The following PIGU variants were observed in gnomAD, a reference collection of about 807,000 sequenced individuals.
The protein encoded by PIGU is phosphatidylinositol glycan anchor biosynthesis class U.
Under a neutral mutation model 49.9 loss-of-function variants are expected in PIGU, and 24 were observed. That is an observed-to-expected ratio of 0.48 (90% CI 0.35 to 0.68). The LOEUF is 0.68. Among genes scored for constraint, PIGU ranks in the 30% least tolerant of loss-of-function variants. PIGU has a pLI of 0.01. For synonymous variants in PIGU, 220 were observed against 205.7 expected (o/e 1.07, Z -0.59); for missense variants, 490 against 532.6 (o/e 0.92, Z 0.79).
intron 11 of PIGU, chr20:34,562,498 G>T: frequency 7.8e-7 from 1 of 1,289,358 alleles, no homozygotes; most frequent in Non-Finnish European, 1.0e-6. Context: ...TCAGGAAGGT[G>T]TCCTGTCACC....
intron 11 of PIGU, among the ~76,000 whole-genome samples, chr20:34,565,903 GCACA>G (rs1214088232): frequency 7.0e-6 from 1 of 143,848 alleles, no homozygotes; most frequent in Non-Finnish European, 1.5e-5. Flanking sequence ...ACACATGCTT[GCACA>G]CACACATGCT....
chr20:34,635,953 G>A (rs1173707639), intron 5 of PIGU, among the ~76,000 whole-genome samples: 1 of 152,048 alleles, frequency 6.6e-6, no homozygotes, highest in Non-Finnish European at 1.5e-5. Context: ...AGCACTTTGG[G>A]AGGCCAAGGT....
chr20:34,641,677 G>A (rs1275627397), intron 4 of PIGU, among the ~76,000 whole-genome samples: 2 of 151,994 alleles, frequency 1.3e-5, no homozygotes, highest in African/African-American at 4.8e-5. Context: ...CATTACCAAG[G>A]ATAAAAAGAC....
chr20:34,671,046 T>C (rs1987290965), intron 1 of PIGU, among the ~76,000 whole-genome samples: 1 of 152,194 alleles, frequency 6.6e-6, no homozygotes, highest in South Asian at 2.1e-4. Flanking sequence ...GGAACAGCCA[T>C]ACCTAAAGAT....
intron 1 of PIGU, among the ~76,000 whole-genome samples, chr20:34,663,567 G>A (rs1488227882): frequency 6.6e-6 from 1 of 152,090 alleles, no homozygotes; most frequent in African/African-American, 2.4e-5. Context: ...AACTTTATAA[G>A]ACTACCCTAA....
At chr20:34,608,449 GGGT>G (rs1984696493) in intron 7 of PIGU, among the ~76,000 whole-genome samples, 1 of 152,134 alleles carries the variant, frequency 6.6e-6, no homozygotes, top group Non-Finnish European at 1.5e-5. Flanking sequence ...TCCCAAATTT[GGGT>G]GGTATGAGCC....
At chr20:34,663,278 A>T (rs1314877132) in intron 1 of PIGU, among the ~76,000 whole-genome samples, 1 of 152,106 alleles carries the variant, frequency 6.6e-6, no homozygotes, top group African/African-American at 2.4e-5. Context: ...GGAGTTCAAG[A>T]TCAGCCTGGG....
intron 6 of PIGU, among the ~76,000 whole-genome samples, chr20:34,619,783 T>C (rs1985139309): frequency 6.6e-6 from 1 of 152,192 alleles, no homozygotes; most frequent in Admixed American, 6.5e-5. Flanking sequence ...TACTTGCTCC[T>C]AGGATCAGGA....
chr20:34,571,408 A>T (rs138382708), intron 11 of PIGU, among the ~76,000 whole-genome samples: 25 of 151,774 alleles, frequency 1.6e-4, no homozygotes, highest in African/African-American at 4.6e-4. Flanking sequence ...AGCAGGATTT[A>T]AAAAAAAATC....
chr20:34,561,413 C>A (rs1982502675), intron 11 of PIGU, among the ~76,000 whole-genome samples: 2 of 152,224 alleles, frequency 1.3e-5, no homozygotes, highest in Admixed American at 1.3e-4. Context: ...ATTGCCCTGA[C>A]ACTTCTCTCA....
At chr20:34,568,295 G>A (rs181391878) in intron 11 of PIGU, among the ~76,000 whole-genome samples, 176 of 152,272 alleles carry the variant, frequency 1.2e-3, no homozygotes, top group African/African-American at 3.7e-3. Context: ...AAGGGCCTGT[G>A]AGGGACAAGC....
At chr20:34,628,044 C>T (rs983316442) in intron 6 of PIGU, among the ~76,000 whole-genome samples, 1 of 152,174 alleles carries the variant, frequency 6.6e-6, no homozygotes, top group Non-Finnish European at 1.5e-5. Flanking sequence ...GGTGCCACCC[C>T]AGAAAAGGTA....
At chr20:34,621,498 A>T (rs1985230141) in intron 6 of PIGU, among the ~76,000 whole-genome samples, 1 of 152,170 alleles carries the variant, frequency 6.6e-6, no homozygotes, top group Non-Finnish European at 1.5e-5. Context: ...GTGCTGCAAC[A>T]GTCAGTAGGT....
intron 7 of PIGU, among the ~76,000 whole-genome samples, chr20:34,594,865 A>G (rs150726223): frequency 0.013 from 1,997 of 152,106 alleles, 49 homozygotes; most frequent in African/African-American, 0.046. Context: ...GGCTGAGGCA[A>G]GCGGATCACG....
intron 6 of PIGU, among the ~76,000 whole-genome samples, chr20:34,627,435 T>C (rs1985531953): frequency 6.6e-6 from 1 of 152,000 alleles, no homozygotes; most frequent in African/African-American, 2.4e-5. Context: ...AACAAAAGTC[T>C]GGAGTGATAT....
At chr20:34,648,018 G>C (rs1986412968) in intron 2 of PIGU, among the ~76,000 whole-genome samples, 1 of 152,076 alleles carries the variant, frequency 6.6e-6, no homozygotes, top group Non-Finnish European at 1.5e-5. Flanking sequence ...GTGGGGCTGA[G>C]GTGGGAGGAT....
intron 1 of PIGU, among the ~76,000 whole-genome samples, chr20:34,675,609 G>A (rs1987473630): frequency 6.6e-6 from 1 of 152,160 alleles, no homozygotes; most frequent in Non-Finnish European, 1.5e-5. Context: ...TAAATGTGAG[G>A]ACTAAATGAG....
chr20:34,561,059 G>A (rs920797775), intron 11 of PIGU, 80 bp from the exon 12 acceptor site: 3 of 969,466 alleles, frequency 3.1e-6, no homozygotes, highest in African/African-American at 1.6e-5. Context: ...GGCAGGTGTT[G>A]TTGGAAGACA....
chr20:34,584,737 G>A (rs1983630310), intron 9 of PIGU, among the ~76,000 whole-genome samples: 1 of 151,564 alleles, frequency 6.6e-6, no homozygotes, highest in Non-Finnish European at 1.5e-5. Flanking sequence ...GCCCAGGCTG[G>A]AGTGCAGTGG....
Sources: gnomAD v4.1 joint callset for allele counts (sites outside exome capture counted in the v4.1 genomes callset) on GRCh38, gnomAD v4.1.1 for gene constraint, MANE v1.5 for transcripts, NCBI Gene and HGNC (gene_info 2026-07-23, HGNC 2026-07-21) for gene names.